Variants in KMT2C observed in about 807,000 individuals in gnomAD.
KMT2C encodes histone-lysine N-methyltransferase 2C.
In KMT2C, 88 loss-of-function variants were observed where a neutral mutation model predicts 507.9. The observed-to-expected ratio is 0.17, with a 90% CI of 0.15 to 0.21. KMT2C has a LOEUF of 0.21. Ranked by LOEUF, KMT2C falls within the 10% of genes least tolerant of loss-of-function variation. The probability of loss-of-function intolerance (pLI) is 1.00; values close to 1 mark genes in which losing one functional copy is unlikely to be tolerated. For synonymous variants in KMT2C, 2,049 were observed against 2,080.8 expected, an observed-to-expected ratio of 0.98 and a Z score of 0.42; for missense variants, 4,954 against 5,957.8, an observed-to-expected ratio of 0.83 and a Z score of 5.55.
intron 40 of KMT2C, 123 bp from the exon 41 acceptor site, chr7:152,169,372 C>T: frequency 1.6e-6 from 1 of 634,890 alleles, no homozygotes; most frequent in South Asian, 2.0e-5. Flanking sequence ...CCTAAGATAT[C>T]TTTTAAAGGT....
chr7:152,205,028 G>T (rs1239052293), intron 25 of KMT2C, 78 bp downstream of exon 25: 4 of 849,382 alleles, frequency 4.7e-6, no homozygotes, highest in Non-Finnish European at 7.3e-6. Flanking sequence ...CATTATTTAG[G>T]ATAGTTTTTT....
Position 152,252,587 on chromosome 7 carries a change from T to C in KMT2C, c.1428A>G (p.Pro476=). Reference sequence around the variant, plus strand: ...AATGAAGCATGTCTTTCTGCAATTCTGGATGATAACACTTCCCACAGAAGG... The same window carrying C: ...AATGAAGCATGTCTTTCTGCAATTCCGGATGATAACACTTCCCACAGAAGG... The part of the protein sequence containing the change: ...LCPFCGKCYH[P]ELQKDMLHCN... Residue 476 remains proline, a synonymous_variant, in exon 10 of 59, where the codon CCA becomes CCG. Coordinates refer to ENST00000262189, the MANE Select transcript of KMT2C (RefSeq NM_170606.3). The C allele has an allele frequency of 6.2e-7, 1 of 1,613,648 alleles. No individual in the cohort carries two copies. Among genetic ancestry groups the C allele is most frequent in the Non-Finnish European group, 8.5e-7 (1 of 1,179,706 alleles).
In KMT2C at chr7:152,136,692, A is replaced by T; in HGVS notation, c.*140T>A. 2 of 652,092 alleles carry T rather than the reference A, an allele frequency of 3.1e-6. No individual in the cohort carries two copies. Among genetic ancestry groups the T allele is most frequent in the Non-Finnish European group, 5.4e-6 (2 of 367,658 alleles). The allele number at this position is 652,092 out of a possible 1,614,324, so 40.4% of individuals were successfully genotyped here. A position where few individuals can be genotyped will look rare whatever the true frequency, so the allele number is the denominator to read the frequency against. ...GCTGCTTTAACCTAAAGGACTGAGG[A>T]AATCAGAACTCCCAGAAGCTTTTTC... On this transcript the variant is annotated 3_prime_UTR_variant, in exon 59 of 59. Coordinates refer to ENST00000262189, the MANE Select transcript of KMT2C (RefSeq NM_170606.3).
At chr7:152,390,449 T>C (rs200477809) in intron 1 of KMT2C, among the ~76,000 whole-genome samples, 2,081 of 122,688 alleles carry the variant, frequency 0.017, no homozygotes, top group African/African-American at 0.048. Context: ...AAAGAAGTAA[T>C]AGCTACGAAG....
intron 1 of KMT2C, among the ~76,000 whole-genome samples, chr7:152,411,561 G>GAGTAGAGAAAGTAGATCC (rs1220399250): frequency 7.8e-5 from 11 of 141,600 alleles, no homozygotes; most frequent in Non-Finnish European, 1.7e-4. Flanking sequence ...GAAAAGGCAC[G>GAGTAGAGAAAGTAGATCC]AGTAGAGAAA....
At chr7:152,215,239 C>T (rs1326495398) in intron 23 of KMT2C, among the ~76,000 whole-genome samples, 2 of 151,892 alleles carry the variant, frequency 1.3e-5, no homozygotes, top group Non-Finnish European at 2.9e-5. Flanking sequence ...GAAAGCCGAG[C>T]GCGGTGGCTC....
intron 1 of KMT2C, among the ~76,000 whole-genome samples, chr7:152,400,023 T>G (rs1284066394): frequency 6.6e-6 from 1 of 151,964 alleles, no homozygotes; most frequent in South Asian, 2.1e-4. Context: ...AAAAGATCAC[T>G]AGAGGCCGGG....
chr7:152,187,393 T>C lies in KMT2C; in HGVS notation c.4877A>G (p.Asn1626Ser). 2 of 1,614,144 alleles carry C rather than the reference T, an allele frequency of 1.2e-6. No homozygotes were observed. Among genetic ancestry groups the C allele is most frequent in the Admixed American group, 1.7e-5 (1 of 60,026 alleles). The change falls in exon 33 of 59, where the codon AAT (asparagine) becomes AGT (serine). Residue 1626 changes from asparagine to serine, a missense_variant. Asn to Ser is a conservative substitution (Grantham distance 46). Coordinates refer to ENST00000262189, the MANE Select transcript of KMT2C (RefSeq NM_170606.3). The part of the protein sequence containing the change: ...TSSAPTVEGE[N>S]DTMSNAQRST... ...TCTCTGGGCATTCGACATTGTGTCA[T>C]TTTCTCCTTCCACAGTGGGAGCTGA...
At chr7:152,151,889 G>T (rs1949552484) in intron 49 of KMT2C, among the ~76,000 whole-genome samples, 1 of 152,154 alleles carries the variant, frequency 6.6e-6, no homozygotes. Context: ...GACAGAGAGG[G>T]AAACAGATAT....
At chr7:152,147,321 T>A (rs745974526) in intron 52 of KMT2C, among the ~76,000 whole-genome samples, 1 of 152,152 alleles carries the variant, frequency 6.6e-6, no homozygotes, top group African/African-American at 2.4e-5. Context: ...TTCCTATACA[T>A]TGTCTTATGA....
At chr7:152,205,999 G>C (rs1265217533) in intron 24 of KMT2C, among the ~76,000 whole-genome samples, 2 of 152,170 alleles carry the variant, frequency 1.3e-5, no homozygotes, top group South Asian at 2.1e-4. Context: ...GGGACACATA[G>C]AGCCCTGTGT....
At position 152,186,646 on chromosome 7, in the gene KMT2C, CA is replaced by C. The variant is rs1194604478; in HGVS notation, c.5008+615del. On this transcript the variant is annotated intron_variant, in intron 33 of 58. Transcript: ENST00000262189. ...TTGATAGATAGCTGGGAAACTATTGCAAAACTGAGTTTGAATAACTTTTTCA... is the reference window on the plus strand; with the variant it reads ...TTGATAGATAGCTGGGAAACTATTGCAAACTGAGTTTGAATAACTTTTTCA... Among the ~76,000 whole-genome samples the C allele has an allele frequency of 1.8e-3, 281 of 152,256 alleles. 5 individuals carry two copies. The highest frequency in any genetic ancestry group is 4.6e-4 in the Non-Finnish European group (31 of 68,020).
chr7:152,312,647 T>C (rs942132087), intron 4 of KMT2C, among the ~76,000 whole-genome samples: 17 of 152,164 alleles, frequency 1.1e-4, no homozygotes, highest in Non-Finnish European at 2.1e-4. Context: ...GCAAAAACTA[T>C]AGTCTAAAAA....
chr7:152,241,392 A>C (rs2095381121), intron 14 of KMT2C, among the ~76,000 whole-genome samples: 1 of 152,232 alleles, frequency 6.6e-6, no homozygotes, highest in Admixed American at 6.5e-5. Context: ...GAGCGATACC[A>C]TGTTGGTCAG....
intron 1 of KMT2C, among the ~76,000 whole-genome samples, chr7:152,365,892 G>A (rs2097239342): frequency 6.6e-6 from 1 of 152,004 alleles, no homozygotes; most frequent in African/African-American, 2.4e-5. Flanking sequence ...AGGATGAGGT[G>A]GGACGAACAC....
intron 55 of KMT2C, among the ~76,000 whole-genome samples, chr7:152,141,712 C>CAAAAAAAAAAAAAAAAAAA (rs1249621681): frequency 3.7e-4 from 23 of 61,878 alleles, no homozygotes; most frequent in African/African-American, 1.3e-3. Flanking sequence ...GACTCTGTCT[C>CAAAAAAAAAAAAAAAAAAA]AAAAAAAAAA....
intron 1 of KMT2C, chr7:152,367,508 T>C (rs2097257066): frequency 9.9e-7 from 1 of 1,011,692 alleles, no homozygotes; most frequent in Non-Finnish European, 1.5e-6. Context: ...GTGAGCCACC[T>C]TACCCAGAGA....
At position 152,221,991 on chromosome 7, in the gene KMT2C, C is replaced by A. The variant is rs1455680384; in HGVS notation, c.3499+10G>T. ...ATTAATTAAATCAAGTAAAGCATTT[C>A]AAATTTTACCTAGCTCTTTTACTTT... is the stretch of plus-strand genomic sequence containing the variant. On this transcript the variant is annotated intron_variant, in intron 22 of 58. Coordinates refer to ENST00000262189, the MANE Select transcript of KMT2C (RefSeq NM_170606.3). 1 of 1,591,460 alleles carries A rather than the reference C, an allele frequency of 6.3e-7. No individual in the cohort carries two copies. Among genetic ancestry groups the A allele is most frequent in the Non-Finnish European group, 8.6e-7 (1 of 1,167,172 alleles).
Position 152,181,166 on chromosome 7 carries a change from C to A in KMT2C, c.6694G>T (p.Gly2232Cys). The A allele has an allele frequency of 6.2e-7, 1 of 1,614,062 alleles. No individual in the cohort carries two copies. Among genetic ancestry groups the A allele is most frequent in the Non-Finnish European group, 8.5e-7 (1 of 1,180,028 alleles). ...PATPRPRISE[G>C]FTRSSMTRPV... is the part of the protein sequence containing the mutation. ...CTTGTCATTGAGGACCTAGTAAAAC[C>A]CTCTGAAATCCTTGGCCTTGGTGTT... The change falls in exon 36 of 59, where the codon GGT becomes TGT. Residue 2232 changes from glycine (G) to cysteine (C), a missense_variant. Coordinates refer to ENST00000262189, the MANE Select transcript of KMT2C (RefSeq NM_170606.3).
Sources: allele counts gnomAD v4.1 joint callset (sites outside exome capture counted in the v4.1 genomes callset), GRCh38; gene constraint gnomAD v4.1.1; transcripts MANE v1.5; gene names NCBI Gene and HGNC (gene_info 2026-07-23, HGNC 2026-07-21).